XPR1: variants seen among roughly 807,000 people sequenced by gnomAD.
The protein encoded by XPR1 is xenotropic and polytropic retrovirus receptor 1.
Under a neutral mutation model 87.5 loss-of-function variants are expected in XPR1, and 28 were observed. That is an observed-to-expected ratio of 0.32 (90% CI 0.24 to 0.44). The LOEUF is 0.44. Ranked by LOEUF, XPR1 falls within the 20% of genes least tolerant of loss-of-function variation. XPR1 has a pLI of 1.00. For synonymous variants in XPR1, 300 were observed against 306.1 expected (o/e 0.98, Z 0.21); for missense variants, 559 against 862.3 (o/e 0.65, Z 4.41).
chr1:180,800,394 G>A (rs7528848), intron 3 of XPR1, among the ~76,000 whole-genome samples: 2,553 of 152,340 alleles, frequency 0.017, 79 homozygotes, highest in African/African-American at 0.056. Context: ...AGGGTTAAGA[G>A]TAGTCTCGAA....
intron 2 of XPR1, among the ~76,000 whole-genome samples, chr1:180,771,977 T>A (rs1259403648): frequency 6.6e-6 from 1 of 152,250 alleles, no homozygotes; most frequent in Non-Finnish European, 1.5e-5. Context: ...TGGATCTTGC[T>A]CGCAAGGGTT....
intron 1 of XPR1, among the ~76,000 whole-genome samples, chr1:180,650,345 C>G (rs1032767760): frequency 2.6e-5 from 4 of 152,108 alleles, no homozygotes; most frequent in African/African-American, 4.8e-5. Context: ...TAGGGATCCT[C>G]CTGCCTCAGC....
At chr1:180,840,560 GTGTGTGTA>G (rs1055376110) in intron 11 of XPR1, among the ~76,000 whole-genome samples, 3 of 135,400 alleles carry the variant, frequency 2.2e-5, no homozygotes, top group African/African-American at 8.8e-5. Context: ...GTGTGTGTGT[GTGTGTGTA>G]TATATATATA....
chr1:180,678,188 T>A (rs1656428840), intron 1 of XPR1, among the ~76,000 whole-genome samples: 1 of 152,224 alleles, frequency 6.6e-6, no homozygotes, highest in Non-Finnish European at 1.5e-5. Flanking sequence ...CTCTGAACCT[T>A]GATGTTTAAG....
rs35380232 is a variant in XPR1, at chr1:180,757,506, CTTT to C, written c.122-30231_122-30229del. ...CAAAGAAGATGGAAAGTTACTAGGC[CTTT>C]TTTTTTTTTTTTTTTAAAGAGTTAA... is the stretch of plus-strand genomic sequence containing the variant. On this transcript the variant is annotated intron_variant, in intron 2 of 14. Coordinates refer to ENST00000367590, the MANE Select transcript of XPR1 (RefSeq NM_004736.4). Among the ~76,000 whole-genome samples the C allele has an allele frequency of 4.2e-4, 57 of 134,480 alleles. 1 individual carries two copies. The highest frequency in any genetic ancestry group is 1.4e-3 in the African/African-American group (52 of 36,868). The allele number at this position is 134,480 out of a possible 152,430, so 88.2% of individuals were successfully genotyped here.
chr1:180,712,168 T>C (rs1657822220), intron 2 of XPR1, among the ~76,000 whole-genome samples: 1 of 152,208 alleles, frequency 6.6e-6, no homozygotes, highest in Admixed American at 6.5e-5. Flanking sequence ...ATATAACAAT[T>C]ATAACAGTAT....
rs746626239 is a variant in XPR1, at chr1:180,806,021, G to C, written c.448-41G>C. The C allele has an allele frequency of 3.1e-6, 5 of 1,593,884 alleles. No individual in the cohort carries two copies. In the African/African-American group the frequency reaches 6.7e-5, roughly 21 times the overall value. On this transcript the variant is annotated intron_variant, in intron 4 of 14. Transcript: ENST00000367590. Reference sequence around the variant, plus strand: ...TTATTCTTTTTCATCATTTTTGATGGTAGTAGAAATTATAGTTGTGTTTCT... The same window carrying C: ...TTATTCTTTTTCATCATTTTTGATGCTAGTAGAAATTATAGTTGTGTTTCT...
At chr1:180,783,916 A>T (rs1649037934) in intron 2 of XPR1, among the ~76,000 whole-genome samples, 1 of 151,868 alleles carries the variant, frequency 6.6e-6, no homozygotes, top group Non-Finnish European at 1.5e-5. Flanking sequence ...TTAGCGGGGC[A>T]TGATGGCAGG....
chr1:180,731,829 T>C (rs1489609592), intron 2 of XPR1, among the ~76,000 whole-genome samples: 5 of 152,224 alleles, frequency 3.3e-5, no homozygotes, highest in Non-Finnish European at 5.9e-5. Context: ...CAGGTATTCA[T>C]GTAGCTAGTG....
Position 180,887,340 on chromosome 1 carries a change from G to A in XPR1, c.*3274G>A, listed in dbSNP as rs1045685118. On this transcript the variant is annotated 3_prime_UTR_variant, in exon 15 of 15. Coordinates refer to ENST00000367590, the MANE Select transcript of XPR1 (RefSeq NM_004736.4). ...TAGTCCTCAAAGGAATGAAGAGGAA[G>A]TCTAAATAAATGAATAAAACTCATT... is the stretch of plus-strand genomic sequence containing the variant. The A allele has an allele frequency of 5.9e-5, 9 of 152,214 alleles. No homozygotes were observed. The highest frequency in any genetic ancestry group is 2.1e-4 in the South Asian group (1 of 4,834). The allele number at this position is 152,214 out of a possible 1,614,324, so 9.4% of individuals were successfully genotyped here.
chr1:180,633,289 A>G (rs776387192), intron 1 of XPR1, among the ~76,000 whole-genome samples: 4 of 152,372 alleles, frequency 2.6e-5, no homozygotes, highest in East Asian at 3.9e-4. Context: ...GTAGCTGGCA[A>G]TTCAGCTCCT....
At chr1:180,776,183 A>C (rs887094550) in intron 2 of XPR1, among the ~76,000 whole-genome samples, 2 of 133,000 alleles carry the variant, frequency 1.5e-5, no homozygotes, top group African/African-American at 5.5e-5. Context: ...CTTATTTATC[A>C]TTAAAATTAA....
At chr1:180,720,706 G>A (rs1163153262) in intron 2 of XPR1, among the ~76,000 whole-genome samples, 4 of 152,134 alleles carry the variant, frequency 2.6e-5, no homozygotes, top group Non-Finnish European at 5.9e-5. Flanking sequence ...GGTGGGGCCT[G>A]GCTATCGGTG....
chr1:180,776,663 C>T (rs1414144334), intron 2 of XPR1, among the ~76,000 whole-genome samples: 1 of 152,118 alleles, frequency 6.6e-6, no homozygotes, highest in African/African-American at 2.4e-5. Flanking sequence ...TTGAAAACCA[C>T]TGTTACATTC....
chr1:180,779,212 C>CT (rs11428923), intron 2 of XPR1, among the ~76,000 whole-genome samples: 51,722 of 152,038 alleles, frequency 0.34, 9,166 homozygotes, highest in Non-Finnish European at 0.38. Flanking sequence ...TTCTTACACT[C>CT]TATCTCATCA....
intron 2 of XPR1, among the ~76,000 whole-genome samples, chr1:180,782,106 T>C (rs1648966130): frequency 6.6e-6 from 1 of 152,020 alleles, no homozygotes; most frequent in African/African-American, 2.4e-5. Context: ...AAGGAATCTC[T>C]AAGACAGTGT....
chr1:180,745,373 C>T (rs181891514), intron 2 of XPR1, among the ~76,000 whole-genome samples: 11 of 152,188 alleles, frequency 7.2e-5, no homozygotes, highest in African/African-American at 1.4e-4. Context: ...AGAGAGAGCA[C>T]GAGTGAGCAA....
chr1:180,632,113 G>GC lies in XPR1; in HGVS notation c.-89_-88insC. 2.0e-6 allele frequency: 3 copies of GC among 1,483,170 alleles called. No homozygotes were observed. Among genetic ancestry groups the GC allele is most frequent in the Non-Finnish European group, 1.8e-6 (2 of 1,085,122 alleles). 91.9% of individuals were successfully genotyped at this position (1,483,170 alleles called of 1,614,324 possible). A position where few individuals can be genotyped will look rare whatever the true frequency, so the allele number is the denominator to read the frequency against. On this transcript the variant is annotated 5_prime_UTR_variant, in exon 1 of 15. Transcript: ENST00000367590. ...GAGAAGCGCAGCGCCGCGCCGCGCC[G>GC]GGGCCCATGTGGGGAGGAGTCGGAG... is the stretch of plus-strand genomic sequence containing the variant.
intron 2 of XPR1, among the ~76,000 whole-genome samples, chr1:180,734,107 C>T (rs1170015119): frequency 6.6e-6 from 1 of 152,106 alleles, no homozygotes; most frequent in African/African-American, 2.4e-5. Context: ...TATTCCTGAG[C>T]CTTTGCTTCT....
Sources: allele counts gnomAD v4.1 joint callset (sites outside exome capture counted in the v4.1 genomes callset), GRCh38; gene constraint gnomAD v4.1.1; transcripts MANE v1.5; gene names NCBI Gene and HGNC (gene_info 2026-07-23, HGNC 2026-07-21).